BRIP1: variants seen among roughly 807,000 people sequenced by gnomAD.
BRIP1 encodes the protein BRCA1 interacting DNA helicase 1.
In BRIP1, 88 loss-of-function variants were observed where a neutral mutation model predicts 119.7. The ratio of observed to expected loss-of-function variants is 0.74; its 90% confidence interval spans 0.62 to 0.88. The LOEUF (loss-of-function observed/expected upper bound fraction) is 0.88, where lower values mean the gene tolerates loss of function less well. Ranked by LOEUF, BRIP1 falls within the 40% of genes least tolerant of loss-of-function variation. BRIP1 has a pLI of 0.00. For synonymous variants in BRIP1, 443 were observed against 496.5 expected (o/e 0.89, Z 1.43); for missense variants, 1,259 against 1,455.4 (o/e 0.87, Z 2.20).
Position 61,808,818 on chromosome 17 carries a change from C to T in BRIP1, c.628-61G>A. On this transcript the variant is annotated intron_variant, in intron 6 of 19. Transcript: ENST00000259008. The surrounding 1 kb of genome is among the most constrained non-coding windows in gnomAD (Gnocchi z 4.1). ...AACTACCATAAAAAACGTTATCAAACCTCACATGGAATCAGAACCTGTAAG... is the reference window on the plus strand; with the variant it reads ...AACTACCATAAAAAACGTTATCAAATCTCACATGGAATCAGAACCTGTAAG... The T allele has an allele frequency of 6.6e-7, 1 of 1,513,178 alleles. No homozygotes were observed. The allele number at this position is 1,513,178 out of a possible 1,614,324, so 93.7% of individuals were successfully genotyped here.
chr17:61,711,122 T>C (rs2061766959), intron 17 of BRIP1, among the ~76,000 whole-genome samples: 1 of 151,270 alleles, frequency 6.6e-6, no homozygotes, highest in Non-Finnish European at 1.5e-5. Flanking sequence ...GCAACATGCA[T>C]TGCTACTGGA....
At chr17:61,727,870 T>G (rs1416023411) in intron 16 of BRIP1, among the ~76,000 whole-genome samples, 1 of 151,574 alleles carries the variant, frequency 6.6e-6, no homozygotes, top group Non-Finnish European at 1.5e-5. Flanking sequence ...TGCTGTGTTG[T>G]CCAGGCTAGA....
rs2076961693 is a variant in BRIP1, at chr17:61,739,663, G to T, written c.2379+3350C>A. 6.6e-6 allele frequency among the ~76,000 whole-genome samples: 1 copy of T among 152,130 alleles called. No individual in the cohort carries two copies. The highest frequency in any genetic ancestry group is 1.5e-5 in the Non-Finnish European group (1 of 68,012). Reference sequence around the variant, plus strand: ...CTAGTAAAGTATTAACAATTAAAAAGATAACTATTCTAATGAAAGAACTCC... The same window carrying T: ...CTAGTAAAGTATTAACAATTAAAAATATAACTATTCTAATGAAAGAACTCC... On this transcript the variant is annotated intron_variant, in intron 16 of 19. Coordinates refer to ENST00000259008, the MANE Select transcript of BRIP1 (RefSeq NM_032043.3). The surrounding 1 kb of genome is among the most constrained non-coding windows in gnomAD (Gnocchi z 6.0).
chr17:61,747,543 T>C (rs1259829309), intron 14 of BRIP1, among the ~76,000 whole-genome samples: 1 of 151,896 alleles, frequency 6.6e-6, no homozygotes, highest in East Asian at 1.9e-4. Context: ...GACAAATTCC[T>C]AGTAATATAC....
intron 17 of BRIP1, among the ~76,000 whole-genome samples, chr17:61,715,605 C>A (rs536783880): frequency 1.3e-5 from 2 of 152,210 alleles, no homozygotes; most frequent in East Asian, 3.9e-4. Flanking sequence ...GTCTGTTTAT[C>A]TATAAAATTG....
In BRIP1 at chr17:61,799,728, G is replaced by A. The variant is rs890786306; in HGVS notation, c.1141-429C>T. ...GTAAAATAACAATACAAGATTAAAA[G>A]CATAAAACCTTTAAAAGTAAAATAA... On this transcript the variant is annotated intron_variant, in intron 8 of 19. Transcript: ENST00000259008. This position sits in a 1 kb window ranked among gnomAD's most constrained non-coding sequence, Gnocchi z 5.1. 3.3e-5 allele frequency among the ~76,000 whole-genome samples: 5 copies of A among 151,948 alleles called. No individual in the cohort carries two copies. Among genetic ancestry groups the A allele is most frequent in the Admixed American group, 6.6e-5 (1 of 15,236 alleles).
At chr17:61,797,930 G>A (rs2077926114) in intron 9 of BRIP1, among the ~76,000 whole-genome samples, 1 of 151,944 alleles carries the variant, frequency 6.6e-6, no homozygotes, top group Admixed American at 6.6e-5. Context: ...CTTATACATT[G>A]CTGGTAGAAG....
At chr17:61,728,503 A>G (rs2144543961) in intron 16 of BRIP1, among the ~76,000 whole-genome samples, 1 of 152,302 alleles carries the variant, frequency 6.6e-6, no homozygotes, top group Admixed American at 6.5e-5. Context: ...CTAAGCAGAA[A>G]AGAGAAAGTT....
Position 61,786,873 on chromosome 17 carries a change from A to C in BRIP1, c.1474-2449T>G, listed in dbSNP as rs1276141999. On this transcript the variant is annotated intron_variant, in intron 10 of 19. Transcript: ENST00000259008. ...AAAATATATATTCATATATGTATTA[A>C]TATATTAATATATAAATATATTTTA... 3.2e-5 allele frequency among the ~76,000 whole-genome samples: 4 copies of C among 125,562 alleles called. No individual in the cohort carries two copies. The Admixed American group carries it at 3.9e-4, about 12-fold the overall frequency. The allele number at this position is 125,562 out of a possible 152,430, so 82.4% of individuals were successfully genotyped here. A position where few individuals can be genotyped will look rare whatever the true frequency, so the allele number is the denominator to read the frequency against.
intron 14 of BRIP1, among the ~76,000 whole-genome samples, chr17:61,747,453 G>C (rs2077073079): frequency 6.7e-6 from 1 of 150,354 alleles, no homozygotes. Flanking sequence ...AATGAAAGAA[G>C]ACACACTGAT....
In BRIP1 at chr17:61,704,469, A is replaced by G. The variant is rs2061661606; in HGVS notation, c.2493-10957T>C. On this transcript the variant is annotated intron_variant, in intron 17 of 19. Coordinates refer to ENST00000259008, the MANE Select transcript of BRIP1 (RefSeq NM_032043.3). The surrounding 1 kb of genome is among the most constrained non-coding windows in gnomAD (Gnocchi z 5.7). ...TCTTTGCTAGATAGCTATGCGTGTT[A>G]TCTGTTTCATCTTGGCCTCATAAAA... is the stretch of plus-strand genomic sequence containing the variant. 1.3e-5 allele frequency among the ~76,000 whole-genome samples: 2 copies of G among 151,974 alleles called. No individual in the cohort carries two copies. Among genetic ancestry groups the G allele is most frequent in the Admixed American group, 1.3e-4 (2 of 15,248 alleles).
Position 61,736,991 on chromosome 17 carries a change from A to G in BRIP1, c.2379+6022T>C, listed in dbSNP as rs371030538. ...ACAGCCACACAAAGTATAAAGATGG[A>G]ATCTGTGACAATAACAATATAAAAA... On this transcript the variant is annotated intron_variant, in intron 16 of 19. Transcript: ENST00000259008. The surrounding 1 kb of genome is among the most constrained non-coding windows in gnomAD (Gnocchi z 4.4). Among the ~76,000 whole-genome samples the G allele has an allele frequency of 5.3e-5, 8 of 152,306 alleles. No individual in the cohort carries two copies. Among genetic ancestry groups the G allele is most frequent in the African/African-American group, 1.9e-4 (8 of 41,572 alleles).
intron 10 of BRIP1, among the ~76,000 whole-genome samples, chr17:61,787,776 C>A (rs2077754700): frequency 6.6e-6 from 1 of 152,102 alleles, no homozygotes; most frequent in Non-Finnish European, 1.5e-5. Flanking sequence ...TCCTGAGTAG[C>A]GGGGACTACA....
chr17:61,808,796 T>A lies in BRIP1; in HGVS notation c.628-39A>T, dbSNP rs1483305934. The A allele has an allele frequency of 1.3e-6, 2 of 1,590,198 alleles. No individual in the cohort carries two copies. Among genetic ancestry groups the A allele is most frequent in the Non-Finnish European group, 1.7e-6 (2 of 1,166,752 alleles). On this transcript the variant is annotated intron_variant, in intron 6 of 19. Coordinates refer to ENST00000259008, the MANE Select transcript of BRIP1 (RefSeq NM_032043.3). This position sits in a 1 kb window ranked among gnomAD's most constrained non-coding sequence, Gnocchi z 4.1. ...AAGAAACGATAACTAATATCTAAAC[T>A]ACCATAAAAAACGTTATCAAACCTC...
At position 61,684,143 on chromosome 17, in the gene BRIP1, A is replaced by T. The variant is rs370819200; in HGVS notation, c.2906-3T>A. On this transcript the variant is annotated splice_polypyrimidine_tract_variant and splice_region_variant and intron_variant, in intron 19 of 19. Transcript: ENST00000259008. This position sits in a 1 kb window ranked among gnomAD's most constrained non-coding sequence, Gnocchi z 4.5. ...TTCTTCCAGGAATACTGGATCATCT[A>T]AGAATACAAGAATTTAAGAGATTTA... 6.2e-7 allele frequency: 1 copy of T among 1,612,484 alleles called. No individual in the cohort carries two copies. Among genetic ancestry groups the T allele is most frequent in the Non-Finnish European group, 8.5e-7 (1 of 1,179,418 alleles).
In BRIP1 at chr17:61,686,257, T is replaced by A; in HGVS notation, c.2576-92A>T. ...AATACACTTGCTTTTTCTAGTGAAG[T>A]AACCTAATTTGTATTTTGAATATAC... On this transcript the variant is annotated intron_variant, in intron 18 of 19. Coordinates refer to ENST00000259008, the MANE Select transcript of BRIP1 (RefSeq NM_032043.3). This position sits in a 1 kb window ranked among gnomAD's most constrained non-coding sequence, Gnocchi z 5.4. The A allele has an allele frequency of 8.6e-7, 1 of 1,163,794 alleles. No homozygotes were observed. The highest frequency in any genetic ancestry group is 1.3e-6 in the Non-Finnish European group (1 of 783,550). 72.1% of individuals were successfully genotyped at this position (1,163,794 alleles called of 1,614,324 possible).
rs1244153434 is a variant in BRIP1, at chr17:61,720,246, TAGA to T, written c.2380-4186_2380-4184del. 1.3e-5 allele frequency among the ~76,000 whole-genome samples: 2 copies of T among 152,162 alleles called. No individual in the cohort carries two copies. Among genetic ancestry groups the T allele is most frequent in the African/African-American group, 2.4e-5 (1 of 41,430 alleles). On this transcript the variant is annotated intron_variant, in intron 16 of 19. Transcript: ENST00000259008. The surrounding 1 kb of genome is among the most constrained non-coding windows in gnomAD (Gnocchi z 4.3). ...ACAATATTACATCATTTCAAATAAC[TAGA>T]AGGAGGAGATTACATGTTCCATACA...
At chr17:61,718,177 C>G (rs955946249) in intron 16 of BRIP1, among the ~76,000 whole-genome samples, 1 of 152,030 alleles carries the variant, frequency 6.6e-6, no homozygotes, top group Non-Finnish European at 1.5e-5. Flanking sequence ...TCTTTGCATG[C>G]CTGCTAATTT....
At chr17:61,836,663 T>G (rs773439551) in intron 6 of BRIP1, among the ~76,000 whole-genome samples, 19 of 152,178 alleles carry the variant, frequency 1.2e-4, no homozygotes, top group Non-Finnish European at 2.1e-4. Context: ...CTTGTCCTTA[T>G]GGTCAGTCTG....
Sources: gnomAD v4.1 joint callset for allele counts (sites outside exome capture counted in the v4.1 genomes callset) on GRCh38, gnomAD v4.1.1 for gene constraint, Gnocchi (gnomAD v3.1) non-coding constraint, MANE v1.5 for transcripts, NCBI Gene and HGNC (gene_info 2026-07-23, HGNC 2026-07-21) for gene names.